Variants in RAP1A observed in about 807,000 individuals in gnomAD.
RAP1A encodes ras-related protein Rap-1A.
Under a neutral mutation model 26.4 loss-of-function variants are expected in RAP1A, and 6 were observed. That is an observed-to-expected ratio of 0.23 (90% CI 0.12 to 0.45). The LOEUF (loss-of-function observed/expected upper bound fraction) is 0.45, where lower values mean the gene tolerates loss of function less well. Among genes scored for constraint, RAP1A ranks in the 20% least tolerant of loss-of-function variants. RAP1A has a pLI of 0.99. For missense variants in RAP1A, 121 were observed against 217.2 expected (o/e 0.56, Z 2.78); for synonymous variants, 73 against 79.4 (o/e 0.92, Z 0.43).
chr1:111,688,097 CT>C (rs542315869), intron 1 of RAP1A, among the ~76,000 whole-genome samples: 101 of 124,136 alleles, frequency 8.1e-4, no homozygotes, highest in Admixed American at 1.4e-3. Flanking sequence ...TTGCCTCCAG[CT>C]TTTTTTTTTT....
chr1:111,649,592 G>A (rs565088216), intron 1 of RAP1A: 38 of 219,250 alleles, frequency 1.7e-4, no homozygotes, highest in Non-Finnish European at 3.4e-4. Context: ...AGGCTTTGCC[G>A]ACGACCAGAA....
At chr1:111,646,611 G>A (rs995198758) in intron 1 of RAP1A, among the ~76,000 whole-genome samples, 1 of 151,910 alleles carries the variant, frequency 6.6e-6, no homozygotes, top group African/African-American at 2.4e-5. Context: ...TGCAATCTCG[G>A]CTCACTGCAA....
At chr1:111,597,797 ACATTCTAGGTCT>A (rs1404585738) in intron 1 of RAP1A, among the ~76,000 whole-genome samples, 2 of 152,174 alleles carry the variant, frequency 1.3e-5, no homozygotes, top group African/African-American at 2.4e-5. Flanking sequence ...AACAGGGGAG[ACATTCTAGGTCT>A]CATGCCGCAG....
At chr1:111,681,893 G>T (rs188419741) in intron 1 of RAP1A, among the ~76,000 whole-genome samples, 1 of 152,040 alleles carries the variant, frequency 6.6e-6, no homozygotes, top group African/African-American at 2.4e-5. Flanking sequence ...ACACATAATC[G>T]TCAGATTCAC....
chr1:111,619,758 G>T (rs560985594), upstream of RAP1A: 301 of 395,428 alleles, frequency 7.6e-4, 1 homozygote, highest in Admixed American at 1.3e-3. Flanking sequence ...GGCCTGCGTG[G>T]TGCGTGCGTG....
At chr1:111,588,287 T>C (rs943737376) in intron 1 of RAP1A, among the ~76,000 whole-genome samples, 1 of 152,208 alleles carries the variant, frequency 6.6e-6, no homozygotes, top group Non-Finnish European at 1.5e-5. Flanking sequence ...AGCTGAGGCC[T>C]TTGCCATTTG....
At chr1:111,587,239 T>C (rs1658386381) in intron 1 of RAP1A, among the ~76,000 whole-genome samples, 1 of 152,164 alleles carries the variant, frequency 6.6e-6, no homozygotes, top group Non-Finnish European at 1.5e-5. Flanking sequence ...CTGTTCCTTC[T>C]GTCATTCTTC....
intron 6 of RAP1A, among the ~76,000 whole-genome samples, chr1:111,705,116 C>T (rs1662147833): frequency 6.6e-6 from 1 of 152,138 alleles, no homozygotes; most frequent in Non-Finnish European, 1.5e-5. Flanking sequence ...TGTAAAGGGC[C>T]AACAGTTTAC....
intron 1 of RAP1A, among the ~76,000 whole-genome samples, chr1:111,612,581 T>C (rs1266791442): frequency 2.6e-5 from 4 of 152,060 alleles, no homozygotes. Flanking sequence ...AAGCTGAAAA[T>C]ATAGAAACTG....
chr1:111,651,290 T>G (rs1379785298), intron 1 of RAP1A, among the ~76,000 whole-genome samples: 3 of 152,110 alleles, frequency 2.0e-5, no homozygotes, highest in African/African-American at 7.2e-5. Flanking sequence ...AAGTATGTCT[T>G]TAAGTTAATT....
At chr1:111,699,998 A>G (rs1203983509) in intron 4 of RAP1A, among the ~76,000 whole-genome samples, 1 of 152,156 alleles carries the variant, frequency 6.6e-6, no homozygotes, top group Non-Finnish European at 1.5e-5. Flanking sequence ...TTTGGCTTCC[A>G]AGAAACAATA....
intron 1 of RAP1A, among the ~76,000 whole-genome samples, chr1:111,668,536 C>T (rs1278608331): frequency 6.6e-6 from 1 of 152,132 alleles, no homozygotes; most frequent in Non-Finnish European, 1.5e-5. Flanking sequence ...CCCCATTTTA[C>T]AGGTGAAGGA....
At chr1:111,683,839 C>T (rs941563801) in intron 1 of RAP1A, among the ~76,000 whole-genome samples, 3 of 152,154 alleles carry the variant, frequency 2.0e-5, no homozygotes, top group African/African-American at 7.2e-5. Flanking sequence ...GATACCCAAA[C>T]CTGGCAGAGA....
At chr1:111,662,145 C>T (rs1476300256) in intron 1 of RAP1A, among the ~76,000 whole-genome samples, 1 of 152,052 alleles carries the variant, frequency 6.6e-6, no homozygotes, top group Non-Finnish European at 1.5e-5. Flanking sequence ...CCTGTAATCC[C>T]AGCACTTTGG....
intron 1 of RAP1A, among the ~76,000 whole-genome samples, chr1:111,589,976 C>T (rs940404490): frequency 2.6e-5 from 4 of 152,058 alleles, no homozygotes; most frequent in South Asian, 2.1e-4. Flanking sequence ...TGCCATGTTG[C>T]GCAGGCTGGT....
chr1:111,590,622 A>T (rs545390829), intron 1 of RAP1A, among the ~76,000 whole-genome samples: 1 of 150,416 alleles, frequency 6.6e-6, no homozygotes, highest in Admixed American at 6.7e-5. Flanking sequence ...ATGGGGTCTC[A>T]TTTTGTTGCC....
intron 4 of RAP1A, among the ~76,000 whole-genome samples, 171 bp from the exon 5 acceptor site, chr1:111,703,165 G>GTTTAATTCTAATTTAAT (rs1662075820): frequency 6.6e-6 from 1 of 152,114 alleles, no homozygotes. Flanking sequence ...CTAGTTTACT[G>GTTTAATTCTAATTTAAT]TCATTGTTTC....
intron 1 of RAP1A, among the ~76,000 whole-genome samples, chr1:111,593,652 CTTTTTTT>C (rs994763442): frequency 1.8e-4 from 12 of 65,376 alleles, no homozygotes; most frequent in East Asian, 6.1e-4. Context: ...ATGACTCCTA[CTTTTTTT>C]TTTTTTTTTT....
chr1:111,622,706 C>T (rs1214435517), intron 1 of RAP1A, among the ~76,000 whole-genome samples: 1 of 152,166 alleles, frequency 6.6e-6, no homozygotes. Context: ...AGATAACTTT[C>T]AGATTGTTAA....
Sources: allele counts gnomAD v4.1 joint callset (sites outside exome capture counted in the v4.1 genomes callset), GRCh38; gene constraint gnomAD v4.1.1; transcripts MANE v1.5; gene names NCBI Gene and HGNC (gene_info 2026-07-23, HGNC 2026-07-21).